FCHSD2: variants seen among roughly 807,000 people sequenced by gnomAD.
FCHSD2 encodes the protein FCH and double SH3 domains 2, also known as F-BAR and double SH3 domains protein 2.
In FCHSD2, 38 loss-of-function variants were observed where a neutral mutation model predicts 108.1. The ratio of observed to expected loss-of-function variants is 0.35; its 90% CI spans 0.27 to 0.46. The LOEUF (loss-of-function observed/expected upper bound fraction) is 0.46. Among genes scored for constraint, FCHSD2 ranks in the 20% least tolerant of loss-of-function variants. The pLI is 1.00. For missense variants in FCHSD2, 751 were observed against 897.8 expected (o/e 0.84, Z 2.09); for synonymous variants, 279 against 314.7 (o/e 0.89, Z 1.20).
At chr11:73,104,605 G>A (rs1031715571) in intron 2 of FCHSD2, among the ~76,000 whole-genome samples, 7 of 151,934 alleles carry the variant, frequency 4.6e-5, no homozygotes, top group African/African-American at 7.3e-5. Context: ...CTCTCGCTCT[G>A]TCACCCAGGC....
At chr11:72,904,267 A>G (rs1855585361) in intron 9 of FCHSD2, among the ~76,000 whole-genome samples, 1 of 152,230 alleles carries the variant, frequency 6.6e-6, no homozygotes, top group Non-Finnish European at 1.5e-5. Flanking sequence ...CACAGCCCTC[A>G]GAGCCTCTCT....
intron 2 of FCHSD2, among the ~76,000 whole-genome samples, chr11:73,087,740 G>A (rs1166383768): frequency 6.6e-6 from 1 of 151,894 alleles, no homozygotes; most frequent in Non-Finnish European, 1.5e-5. Context: ...TAAATTTAGT[G>A]CAGCCTAAGT....
At chr11:73,048,807 G>T (rs1858826086) in intron 3 of FCHSD2, among the ~76,000 whole-genome samples, 1 of 152,122 alleles carries the variant, frequency 6.6e-6, no homozygotes, top group Non-Finnish European at 1.5e-5. Flanking sequence ...AAAGGGTGGG[G>T]AATGAATATT....
rs1434955529 is a variant in FCHSD2 at position 72,843,235 on chromosome 11, C to G, written c.1621G>C (p.Ala541Pro). ...NSLLSMLQSL[A>P]ALDSRSHTSS... ...GTGTGTGACCGACTGTCCAAAGCGGCCAGGGACTGCAGCATGCTCAGGAGG... is the reference window on the plus strand; with the variant it reads ...GTGTGTGACCGACTGTCCAAAGCGGGCAGGGACTGCAGCATGCTCAGGAGG... The change falls in exon 16 of 20, where the codon GCC becomes CCC. Residue 541 changes from alanine (A) to proline (P), a missense_variant. Transcript: ENST00000409418. The G allele has an allele frequency of 1.9e-6, 3 of 1,613,966 alleles. No homozygotes were observed. The Admixed American group carries it at 5.0e-5, about 27-fold the overall frequency.
intron 2 of FCHSD2, among the ~76,000 whole-genome samples, chr11:73,096,107 C>A (rs966589564): frequency 6.6e-6 from 1 of 151,776 alleles, no homozygotes; most frequent in South Asian, 2.1e-4. Context: ...TCTAAACAGA[C>A]GTAAAATTTT....
chr11:73,038,950 T>G (rs796088644), intron 3 of FCHSD2, among the ~76,000 whole-genome samples: 7 of 152,326 alleles, frequency 4.6e-5, no homozygotes, highest in African/African-American at 1.7e-4. Context: ...TTTTTTGGCT[T>G]GACTTCTGTA....
intron 8 of FCHSD2, among the ~76,000 whole-genome samples, chr11:72,926,694 G>A (rs1047109776): frequency 3.3e-5 from 5 of 152,098 alleles, no homozygotes; most frequent in East Asian, 1.9e-4. Context: ...TCTGCCTACC[G>A]CATACTTCCA....
At position 73,142,158 on chromosome 11, in the gene FCHSD2, G is replaced by A; in HGVS notation, c.-281C>T. 3.8e-6 allele frequency: 1 copy of A among 261,658 alleles called. No homozygotes were observed. Among genetic ancestry groups the A allele is most frequent in the Non-Finnish European group, 7.2e-6 (1 of 138,052 alleles). The allele number at this position is 261,658 out of a possible 1,614,324, so 16.2% of individuals were successfully genotyped here. ...TGAGGAAGGAGGCGGAGACGGCGAG[G>A]GGGCGGGGGCCCCAGGAGCAGGGGC... On this transcript the variant is annotated 5_prime_UTR_variant, in exon 1 of 20. Transcript: ENST00000409418.
At chr11:72,994,855 C>T (rs1429162785) in intron 5 of FCHSD2, among the ~76,000 whole-genome samples, 1 of 152,118 alleles carries the variant, frequency 6.6e-6, no homozygotes, top group Non-Finnish European at 1.5e-5. Context: ...ACATATAATT[C>T]ACATACAACA....
chr11:73,086,841 A>G (rs1347691749), intron 2 of FCHSD2, among the ~76,000 whole-genome samples: 3 of 152,240 alleles, frequency 2.0e-5, no homozygotes, highest in Admixed American at 6.5e-5. Flanking sequence ...GATAAATACA[A>G]TGTGGTATAT....
At chr11:73,072,127 C>T (rs1181947467) in intron 3 of FCHSD2, among the ~76,000 whole-genome samples, 1 of 151,128 alleles carries the variant, frequency 6.6e-6, no homozygotes, top group African/African-American at 2.4e-5. Context: ...CGGGCATGTT[C>T]ACACACAAAA....
At chr11:72,900,434 CA>C in intron 10 of FCHSD2, 1 of 741,234 alleles carries the variant, frequency 1.3e-6, no homozygotes, top group South Asian at 1.7e-5. Context: ...TGTTTAGAAA[CA>C]AAAGATTTAG....
rs75835200 is a variant in FCHSD2 at position 72,927,063 on chromosome 11, T to A, written c.706-5113A>T. Among the ~76,000 whole-genome samples, 874 of 152,326 alleles carry A rather than the reference T, an allele frequency of 5.7e-3. 5 individuals carry two copies. The highest frequency in any genetic ancestry group is 7.6e-3 in the Non-Finnish European group (517 of 68,034). Reference sequence around the variant, plus strand: ...TAATAAATCCTAGTTTTTACTATCTTAACAATTCACAAGCACAAAACAAAT... The same window carrying A: ...TAATAAATCCTAGTTTTTACTATCTAAACAATTCACAAGCACAAAACAAAT... On this transcript the variant is annotated intron_variant, in intron 8 of 19. Transcript: ENST00000409418.
chr11:73,073,358 AC>A (rs1859476951), intron 3 of FCHSD2, among the ~76,000 whole-genome samples: 1 of 152,244 alleles, frequency 6.6e-6, no homozygotes, highest in South Asian at 2.1e-4. Flanking sequence ...AAACATTAAT[AC>A]TCTTGTAGGA....
intron 8 of FCHSD2, among the ~76,000 whole-genome samples, chr11:72,974,233 G>A (rs1401394012): frequency 4.6e-5 from 7 of 152,202 alleles, no homozygotes; most frequent in South Asian, 2.1e-4. Context: ...GGGCCTTCAC[G>A]CTGTATCATC....
Position 73,045,295 on chromosome 11 carries a change from T to C in FCHSD2, c.166-29410A>G, listed in dbSNP as rs548323250. On this transcript the variant is annotated intron_variant, in intron 3 of 19. Coordinates refer to ENST00000409418, the MANE Select transcript of FCHSD2 (RefSeq NM_014824.3). ...AGGTGCTGGAGAGGATGTGGAGAAA[T>C]AGGAACACTTTTACACTGTTGGTGG... 5.3e-5 allele frequency among the ~76,000 whole-genome samples: 8 copies of C among 150,546 alleles called. No homozygotes were observed. The East Asian group carries it at 5.9e-4, about 11-fold the overall frequency.
chr11:73,062,206 G>T (rs560566532), intron 3 of FCHSD2, among the ~76,000 whole-genome samples: 1 of 152,324 alleles, frequency 6.6e-6, no homozygotes, highest in East Asian at 1.9e-4. Flanking sequence ...CAGCAGACCT[G>T]CAGCAGAGGG....
Position 73,011,673 on chromosome 11 carries a change from A to G in FCHSD2, c.242+4136T>C, listed in dbSNP as rs1489428096. Among the ~76,000 whole-genome samples, 4 of 152,080 alleles carry G rather than the reference A, an allele frequency of 2.6e-5. No homozygotes were observed. The East Asian group carries it at 7.7e-4, about 29-fold the overall frequency. On this transcript the variant is annotated intron_variant, in intron 4 of 19. Coordinates refer to ENST00000409418, the MANE Select transcript of FCHSD2 (RefSeq NM_014824.3). Reference sequence around the variant, plus strand: ...TCACACAATCTCCTGGCAGCTCCCTATCTTAGTTTCAAGGCCCAGGAAGGT... The same window carrying G: ...TCACACAATCTCCTGGCAGCTCCCTGTCTTAGTTTCAAGGCCCAGGAAGGT...
intron 10 of FCHSD2, 135 bp downstream of exon 10, chr11:72,902,408 T>G (rs1184431599): frequency 1.9e-6 from 1 of 529,412 alleles, no homozygotes; most frequent in Non-Finnish European, 3.3e-6. Flanking sequence ...ATAATTATTC[T>G]GTGTCCTCAC....
Sources: allele counts gnomAD v4.1 joint callset (sites outside exome capture counted in the v4.1 genomes callset), GRCh38; gene constraint gnomAD v4.1.1; transcripts MANE v1.5; gene names NCBI Gene and HGNC (gene_info 2026-07-23, HGNC 2026-07-21).